Variants in GRIN2B observed in about 807,000 individuals in gnomAD.
GRIN2B encodes the protein glutamate ionotropic receptor NMDA type subunit 2B, also known as glutamate receptor ionotropic, NMDA 2B.
Under a neutral mutation model 114.5 loss-of-function variants are expected in GRIN2B, and 5 were observed. The ratio of observed to expected loss-of-function variants is 0.04; its 90% CI spans 0.02 to 0.09. The LOEUF (loss-of-function observed/expected upper bound fraction) is 0.09. Among genes scored for constraint, GRIN2B ranks in the 10% least tolerant of loss-of-function variants. GRIN2B has a pLI of 1.00. For missense variants in GRIN2B, 1,108 were observed against 1,943.5 expected, an observed-to-expected ratio of 0.57 and a Z score of 8.08; for synonymous variants, 787 against 745.1, an observed-to-expected ratio of 1.06 and a Z score of -0.92.
intron 3 of GRIN2B, among the ~76,000 whole-genome samples, chr12:13,802,804 C>T (rs1023120545): frequency 3.9e-5 from 6 of 152,098 alleles, no homozygotes; most frequent in African/African-American, 1.4e-4. Context: ...GTGAGATTAA[C>T]TATCTGGTTA....
Position 13,559,855 on chromosome 12 carries a change from A to G in GRIN2B, c.*2928T>C, listed in dbSNP as rs1398773812. ...TGACTGAGACGATTGTTTCAGCATC[A>G]GAGGAGGCCGCTGGGAGATTTCTCA... On this transcript the variant is annotated 3_prime_UTR_variant, in exon 14 of 14. Transcript: ENST00000609686. 1 of 152,246 alleles carries G rather than the reference A, an allele frequency of 6.6e-6. No individual in the cohort carries two copies. The highest frequency in any genetic ancestry group is 1.5e-5 in the Non-Finnish European group (1 of 68,052). 9.4% of individuals were successfully genotyped at this position (152,246 alleles called of 1,614,324 possible).
At chr12:13,683,531 A>G (rs1950149938) in intron 4 of GRIN2B, 1 of 152,918 alleles carries the variant, frequency 6.5e-6, no homozygotes, top group African/African-American at 2.4e-5. Flanking sequence ...GTGTTTCGAT[A>G]TATATAAAGG....
chr12:13,752,381 A>C (rs1863497072), intron 4 of GRIN2B, among the ~76,000 whole-genome samples: 1 of 152,246 alleles, frequency 6.6e-6, no homozygotes. Context: ...ATTTATGTCC[A>C]TATAAATGTA....
At chr12:13,920,816 C>T (rs552364167) in intron 2 of GRIN2B, among the ~76,000 whole-genome samples, 2 of 152,302 alleles carry the variant, frequency 1.3e-5, no homozygotes, top group East Asian at 3.9e-4. Context: ...CTGTTCTTCA[C>T]TCCTCCAGCC....
intron 2 of GRIN2B, among the ~76,000 whole-genome samples, chr12:13,920,817 T>A (rs1866810537): frequency 6.6e-6 from 1 of 152,182 alleles, no homozygotes; most frequent in African/African-American, 2.4e-5. Flanking sequence ...TGTTCTTCAC[T>A]CCTCCAGCCT....
intron 4 of GRIN2B, among the ~76,000 whole-genome samples, chr12:13,726,225 C>T (rs968111945): frequency 6.6e-6 from 1 of 151,470 alleles, no homozygotes; most frequent in African/African-American, 2.4e-5. Flanking sequence ...GTGAAGGGGC[C>T]AATATTTTTT....
chr12:13,660,108 G>C (rs1259685181), intron 5 of GRIN2B, among the ~76,000 whole-genome samples: 2 of 152,166 alleles, frequency 1.3e-5, no homozygotes, highest in Non-Finnish European at 2.9e-5. Context: ...ATGCAAGAGA[G>C]AGGGCCCCAA....
chr12:13,753,306 T>C lies in GRIN2B; in HGVS notation c.1010+11A>G. On this transcript the variant is annotated intron_variant, in intron 4 of 13. Coordinates refer to ENST00000609686, the MANE Select transcript of GRIN2B (RefSeq NM_000834.5). The surrounding 1 kb of genome is among the most constrained non-coding windows in gnomAD (Gnocchi z 6.2). ...TCTCCACCATCAATGTGCCCTCTGT[T>C]CCACACTCACCTATTTAGCATATTG... The C allele has an allele frequency of 6.9e-7, 1 of 1,441,108 alleles. No homozygotes were observed. Among genetic ancestry groups the C allele is most frequent in the South Asian group, 1.1e-5 (1 of 87,688 alleles). The allele number at this position is 1,441,108 out of a possible 1,614,324, so 89.3% of individuals were successfully genotyped here.
chr12:13,660,777 T>C (rs1949914165), intron 5 of GRIN2B, among the ~76,000 whole-genome samples: 2 of 152,306 alleles, frequency 1.3e-5, no homozygotes, highest in East Asian at 1.9e-4. Context: ...AATATAAAGA[T>C]ACACGTGTAA....
At chr12:13,880,595 A>G (rs2136764177) in intron 2 of GRIN2B, among the ~76,000 whole-genome samples, 1 of 152,316 alleles carries the variant, frequency 6.6e-6, no homozygotes, top group East Asian at 1.9e-4. Flanking sequence ...CTGCCTCCCA[A>G]AAACAGCAAA....
chr12:13,951,576 G>A (rs1867479961), intron 2 of GRIN2B, among the ~76,000 whole-genome samples: 1 of 152,172 alleles, frequency 6.6e-6, no homozygotes, highest in Non-Finnish European at 1.5e-5. Flanking sequence ...GGTTGGTAGA[G>A]CTGTATAATT....
At chr12:13,734,803 G>A (rs1470387138) in intron 4 of GRIN2B, among the ~76,000 whole-genome samples, 1 of 152,194 alleles carries the variant, frequency 6.6e-6, no homozygotes, top group East Asian at 1.9e-4. Flanking sequence ...GCTTCAGAGA[G>A]GAGGCAACAC....
rs112642257 is a variant in GRIN2B at position 13,860,246 on chromosome 12, A to G, written c.411+5552T>C. 8.8e-3 allele frequency among the ~76,000 whole-genome samples: 1,334 copies of G among 152,324 alleles called. 12 individuals are homozygous for G. Among genetic ancestry groups the G allele is most frequent in the Non-Finnish European group, 0.011 (749 of 68,038 alleles). On this transcript the variant is annotated intron_variant, in intron 3 of 13. Transcript: ENST00000609686. ...GAGTAGGGCCATCTTCCTATCCCCA[A>G]TTAGATTCCAAAATGTGGCTCTCAG...
At chr12:13,778,305 G>C (rs1208698077) in intron 3 of GRIN2B, among the ~76,000 whole-genome samples, 1 of 152,196 alleles carries the variant, frequency 6.6e-6, no homozygotes, top group East Asian at 1.9e-4. Flanking sequence ...TGTTTCTTCT[G>C]AAGAATGTAT....
At chr12:13,868,743 C>T (rs1865863221) in intron 2 of GRIN2B, among the ~76,000 whole-genome samples, 1 of 152,136 alleles carries the variant, frequency 6.6e-6, no homozygotes, top group Non-Finnish European at 1.5e-5. Context: ...TTATATTTGG[C>T]TATGCAGTGG....
At chr12:13,955,338 A>G (rs2136854205) in intron 2 of GRIN2B, among the ~76,000 whole-genome samples, 1 of 152,320 alleles carries the variant, frequency 6.6e-6, no homozygotes, top group East Asian at 1.9e-4. Flanking sequence ...CAGAAACACA[A>G]GCTGGCAAAA....
intron 9 of GRIN2B, among the ~76,000 whole-genome samples, chr12:13,610,590 C>A (rs922010968): frequency 6.6e-6 from 1 of 152,152 alleles, no homozygotes; most frequent in Non-Finnish European, 1.5e-5. Context: ...ATACACAAAC[C>A]AAATTAAAAG....
chr12:13,544,530 G>A lies in GRIN2B; in HGVS notation c.*18253C>T, dbSNP rs901771456. On this transcript the variant is annotated 3_prime_UTR_variant, in exon 14 of 14. Coordinates refer to ENST00000609686, the MANE Select transcript of GRIN2B (RefSeq NM_000834.5). The stretch of plus-strand genomic sequence containing the variant: ...GAACTCCAGGTCCATATATCTAATT[G>A]CCTAATCATCATTTCTACTTGCAAC... The A allele has an allele frequency of 1.3e-5, 2 of 152,006 alleles. No individual in the cohort carries two copies. The highest frequency in any genetic ancestry group is 2.4e-5 in the African/African-American group (1 of 41,376). The allele number at this position is 152,006 out of a possible 1,614,324, so 9.4% of individuals were successfully genotyped here.
At chr12:13,638,196 C>T (rs537133341) in intron 5 of GRIN2B, among the ~76,000 whole-genome samples, 9 of 152,192 alleles carry the variant, frequency 5.9e-5, no homozygotes, top group Non-Finnish European at 8.8e-5. Flanking sequence ...GGTTTAAGTA[C>T]ACAAGAGACA....
Sources: allele counts gnomAD v4.1 joint callset (sites outside exome capture counted in the v4.1 genomes callset), GRCh38; gene constraint gnomAD v4.1.1; non-coding constraint Gnocchi (gnomAD v3.1); transcripts MANE v1.5; gene names NCBI Gene and HGNC (gene_info 2026-07-23, HGNC 2026-07-21).